Variants in CALN1 observed in about 807,000 individuals in gnomAD.
CALN1 encodes the protein calcium-binding protein 8.
A neutral mutation model predicts 30.6 loss-of-function variants in CALN1; 17 were observed. The ratio of observed to expected loss-of-function variants is 0.56; its 90% confidence interval spans 0.38 to 0.83. CALN1 has a LOEUF of 0.83. CALN1 is among the 40% of genes least tolerant of loss of function. CALN1 has a pLI of 0.00. For synonymous variants in CALN1, 156 were observed against 131.4 expected, an observed-to-expected ratio of 1.19 and a Z score of -1.28; for missense variants, 291 against 354.9, an observed-to-expected ratio of 0.82 and a Z score of 1.45.
At chr7:72,314,838 TAA>T (rs10538743) in intron 2 of CALN1, among the ~76,000 whole-genome samples, 45,420 of 143,986 alleles carry the variant, frequency 0.32, 7,410 homozygotes, top group Non-Finnish European at 0.37. Flanking sequence ...AACATTTTGT[TAA>T]AAAAAAAAAA....
chr7:72,457,004 C>CTT, the CALN1 span, among the ~76,000 whole-genome samples: 145 of 106,506 alleles, frequency 1.4e-3, no homozygotes, highest in Middle Eastern at 5.4e-3. Flanking sequence ...TTCTTTCTTT[C>CTT]TTTTTTTTTT....
intron 5 of CALN1, among the ~76,000 whole-genome samples, chr7:71,896,185 G>T (rs1336839534): frequency 1.3e-5 from 2 of 152,228 alleles, no homozygotes; most frequent in East Asian, 1.9e-4. Context: ...TGCAGTTGTT[G>T]CCCAGATGAG....
chr7:72,158,359 G>A (rs755540996), intron 3 of CALN1, among the ~76,000 whole-genome samples: 37 of 152,180 alleles, frequency 2.4e-4, no homozygotes, highest in Non-Finnish European at 4.7e-4. Flanking sequence ...AGGAGGCCCT[G>A]GCCGTAGTCC....
chr7:72,109,780 G>A (rs1308913179), intron 3 of CALN1, among the ~76,000 whole-genome samples: 1 of 152,196 alleles, frequency 6.6e-6, no homozygotes, highest in African/African-American at 2.4e-5. Context: ...CAGGCCTCCC[G>A]ACGTGAGAGT....
intron 5 of CALN1, among the ~76,000 whole-genome samples, chr7:71,896,066 G>C (rs1334095880): frequency 6.6e-6 from 1 of 152,186 alleles, no homozygotes; most frequent in Non-Finnish European, 1.5e-5. Context: ...GCTGTGCCCA[G>C]AAGCCAACTG....
At chr7:72,093,866 G>A (rs927613542) in intron 4 of CALN1, among the ~76,000 whole-genome samples, 1 of 152,322 alleles carries the variant, frequency 6.6e-6, no homozygotes, top group East Asian at 1.9e-4. Context: ...GAAATTTCAG[G>A]TCCTGATGGA....
At chr7:72,272,516 C>T (rs1054294330) in intron 3 of CALN1, among the ~76,000 whole-genome samples, 9 of 152,146 alleles carry the variant, frequency 5.9e-5, no homozygotes, top group Admixed American at 3.9e-4. Context: ...GAGCCGAAAT[C>T]GCACCACTGC....
At chr7:72,049,670 G>T (rs1364053054) in intron 4 of CALN1, among the ~76,000 whole-genome samples, 2 of 151,956 alleles carry the variant, frequency 1.3e-5, no homozygotes, top group African/African-American at 4.8e-5. Context: ...ACCACGCCCG[G>T]CTATTTTTTG....
chr7:71,942,060 G>A (rs555315519), intron 5 of CALN1, among the ~76,000 whole-genome samples: 2 of 152,198 alleles, frequency 1.3e-5, no homozygotes, highest in Non-Finnish European at 1.5e-5. Context: ...GTAGCCGGGC[G>A]TGGTGGTGCA....
chr7:72,258,454 G>A (rs550915975), intron 3 of CALN1, among the ~76,000 whole-genome samples: 1 of 152,296 alleles, frequency 6.6e-6, no homozygotes, highest in East Asian at 1.9e-4. Context: ...TGAAAGAGAA[G>A]AACTCCATCA....
At chr7:72,046,226 T>A (rs1021111760) in intron 4 of CALN1, among the ~76,000 whole-genome samples, 9 of 151,940 alleles carry the variant, frequency 5.9e-5, no homozygotes. Flanking sequence ...GGTGGAAGCC[T>A]CAGGCTCCAG....
intron 3 of CALN1, among the ~76,000 whole-genome samples, chr7:72,217,159 G>C (rs78461601): frequency 6.8e-4 from 104 of 152,262 alleles, no homozygotes; most frequent in African/African-American, 2.4e-3. Context: ...CCAAGGTGCA[G>C]GCATTGTCCC....
chr7:71,853,400 T>C (rs1354118656), intron 5 of CALN1, among the ~76,000 whole-genome samples: 1 of 152,158 alleles, frequency 6.6e-6, no homozygotes, highest in Non-Finnish European at 1.5e-5. Flanking sequence ...GCTAAATCAA[T>C]CTATTTAACA....
the CALN1 span, among the ~76,000 whole-genome samples, chr7:72,493,588 C>T: frequency 3.5e-4 from 54 of 152,318 alleles, no homozygotes; most frequent in South Asian, 0.011. Flanking sequence ...ATCCATCCGC[C>T]TCAGCTTCCC....
intron 3 of CALN1, among the ~76,000 whole-genome samples, chr7:72,259,387 A>G (rs1049389985): frequency 6.6e-6 from 1 of 151,846 alleles, no homozygotes; most frequent in Non-Finnish European, 1.5e-5. Context: ...TCACCATTCC[A>G]CCCTATCCAG....
At chr7:72,096,070 T>TAGATAGATAGATAGATAGATAA (rs1202767708) in intron 4 of CALN1, among the ~76,000 whole-genome samples, 4 of 151,554 alleles carry the variant, frequency 2.6e-5, no homozygotes, top group Non-Finnish European at 5.9e-5. Flanking sequence ...GATAGATAGA[T>TAGATAGATAGATAGATAGATAA]AGATAGATAG....
chr7:72,070,007 G>A (rs1028148510), intron 4 of CALN1, among the ~76,000 whole-genome samples: 1 of 152,214 alleles, frequency 6.6e-6, no homozygotes, highest in African/African-American at 2.4e-5. Flanking sequence ...AACTCTATGG[G>A]GCACAGAAGA....
intron 5 of CALN1, among the ~76,000 whole-genome samples, chr7:71,948,884 A>C (rs1796544955): frequency 6.6e-6 from 1 of 151,566 alleles, no homozygotes; most frequent in Admixed American, 6.6e-5. Context: ...TTTACAAACA[A>C]ATTTAAAAAA....
At chr7:72,098,764 G>GCACACA (rs1181933030) in intron 4 of CALN1, among the ~76,000 whole-genome samples, 41 of 142,828 alleles carry the variant, frequency 2.9e-4, no homozygotes, top group African/African-American at 1.0e-3. Flanking sequence ...CATTTGGCGC[G>GCACACA]CACACACACA....
Sources: gnomAD v4.1 joint callset for allele counts (sites outside exome capture counted in the v4.1 genomes callset) on GRCh38, gnomAD v4.1.1 for gene constraint, MANE v1.5 for transcripts, NCBI Gene and HGNC (gene_info 2026-07-23, HGNC 2026-07-21) for gene names.